The following CHMP6 variants were observed in gnomAD, a reference collection of about 807,000 sequenced individuals.
The protein encoded by CHMP6 is chromatin-modifying protein 6.
Under a neutral mutation model 32.8 loss-of-function variants are expected in CHMP6, and 10 were observed. The ratio of observed to expected loss-of-function variants is 0.30; its 90% CI spans 0.19 to 0.52. The LOEUF is 0.52. CHMP6 is among the 20% of genes least tolerant of loss of function. CHMP6 has a pLI of 0.97. For synonymous variants in CHMP6, 123 were observed against 105.8 expected (o/e 1.16, Z -1.00); for missense variants, 269 against 263.8 (o/e 1.02, Z -0.14).
chr17:80,994,679 C>T lies in CHMP6; in HGVS notation c.162C>T (p.Asp54=), dbSNP rs143663975. Residue 54 remains aspartate, a synonymous_variant, in exon 2 of 8, where the codon GAC becomes GAT. Transcript: ENST00000325167. The stretch of plus-strand genomic sequence containing the variant: ...CCCTGGCCCGGCAGCTGCTGCGGGA[C>T]GGCAGGAAGGAGTGAGTGGGGCCCG... The part of the protein sequence containing the change: ...ERALARQLLR[D]GRKERAKLLL... The T allele has an allele frequency of 8.1e-4, 1,273 of 1,571,602 alleles. 16 individuals carry two copies. In the African/African-American group the frequency reaches 0.015, roughly 18 times the overall value.
chr17:80,998,387 G>C lies in CHMP6; in HGVS notation c.517G>C (p.Val173Leu), dbSNP rs745597012. The C allele has an allele frequency of 5.6e-5, 90 of 1,614,108 alleles. No homozygotes were observed. Among genetic ancestry groups the C allele is most frequent in the Non-Finnish European group, 7.3e-5 (86 of 1,180,034 alleles). The change falls in exon 7 of 8, where the codon GTT becomes CTT. Residue 173 changes from valine to leucine, a missense_variant. Val to Leu is a conservative substitution (Grantham distance 32). Coordinates refer to ENST00000325167, the MANE Select transcript of CHMP6 (RefSeq NM_024591.5). ...GCAGGAACAAATAGAGCTGCCAGAGGTTCCCTCCGAGCCCCTTCCTGAGAA... is the reference window on the plus strand; with the variant it reads ...GCAGGAACAAATAGAGCTGCCAGAGCTTCCCTCCGAGCCCCTTCCTGAGAA... ...ITQEQIELPEVPSEPLPEKIP... is the reference protein window; with the variant it reads ...ITQEQIELPELPSEPLPEKIP...
At chr17:80,993,126 C>T (rs1257244414) in intron 1 of CHMP6, among the ~76,000 whole-genome samples, 2 of 152,236 alleles carry the variant, frequency 1.3e-5, no homozygotes, top group Non-Finnish European at 2.9e-5. Flanking sequence ...TCCGGTTTCT[C>T]TTCAAGCACA....
In CHMP6 at chr17:80,995,749, G is replaced by A. The variant is rs1482717358; in HGVS notation, c.339G>A (p.Lys113=). Residue 113 remains lysine, a synonymous_variant, in exon 4 of 8, where the codon AAG becomes AAA. Coordinates refer to ENST00000325167, the MANE Select transcript of CHMP6 (RefSeq NM_024591.5). The stretch of plus-strand genomic sequence containing the variant: ...AGTTTGGAAATGAGTGTCTGAACAA[G>A]ATGCACCAGGTGAGTCTCTGCAGGG... ...GLQFGNECLN[K]MHQVMSIEEV... 1.2e-6 allele frequency: 2 copies of A among 1,613,884 alleles called. No homozygotes were observed. Among genetic ancestry groups the A allele is most frequent in the African/African-American group, 1.3e-5 (1 of 74,944 alleles).
chr17:80,995,826 C>T lies in CHMP6; in HGVS notation c.348+68C>T, dbSNP rs1568028200. ...CATTGGGCTGGAGCTGGGGATAGGG[C>T]GGGGGGCTTGTCCCACGGTGTTCGT... On this transcript the variant is annotated intron_variant, in intron 4 of 7. Coordinates refer to ENST00000325167, the MANE Select transcript of CHMP6 (RefSeq NM_024591.5). The T allele has an allele frequency of 3.5e-6, 5 of 1,431,728 alleles. No individual in the cohort carries two copies. In the African/African-American group the frequency reaches 4.2e-5, roughly 12 times the overall value. 88.7% of individuals were successfully genotyped at this position (1,431,728 alleles called of 1,614,324 possible). A position where few individuals can be genotyped will look rare whatever the true frequency, so the allele number is the denominator to read the frequency against.
rs923720077 is a variant in CHMP6 at position 80,999,416 on chromosome 17, C to T, written c.*263C>T. 6 of 466,756 alleles carry T rather than the reference C, an allele frequency of 1.3e-5. No homozygotes were observed. Among genetic ancestry groups the T allele is most frequent in the Admixed American group, 7.1e-5 (2 of 28,202 alleles). The allele number at this position is 466,756 out of a possible 1,614,324, so 28.9% of individuals were successfully genotyped here. A position where few individuals can be genotyped will look rare whatever the true frequency, so the allele number is the denominator to read the frequency against. ...GCCCAGCTTCTGCCGGTTGTGGGCTCCCCCGGTGGCCGAGGCCCAGGCCCA... is the reference window on the plus strand; with the variant it reads ...GCCCAGCTTCTGCCGGTTGTGGGCTTCCCCGGTGGCCGAGGCCCAGGCCCA... On this transcript the variant is annotated 3_prime_UTR_variant, in exon 8 of 8. Transcript: ENST00000325167.
At chr17:80,995,206 C>G (rs2069626953) in intron 3 of CHMP6, 100 bp downstream of exon 3, 7 of 1,178,796 alleles carry the variant, frequency 5.9e-6, no homozygotes, top group Non-Finnish European at 8.5e-6. Context: ...GCTGAAAGCT[C>G]CTCTCAGATG....
rs2069593851 is a variant in CHMP6, at chr17:80,991,848, G to A, written c.-71G>A. On this transcript the variant is annotated 5_prime_UTR_variant, in exon 1 of 8. Transcript: ENST00000325167. ...CGCGGCCGCCGTAGCGGGAGGACCC[G>A]AGCTACGGTGGCCGCGGGGCGGCGG... 2.4e-6 allele frequency: 3 copies of A among 1,240,310 alleles called. No homozygotes were observed. Among genetic ancestry groups the A allele is most frequent in the African/African-American group, 1.6e-5 (1 of 64,278 alleles). 76.8% of individuals were successfully genotyped at this position (1,240,310 alleles called of 1,614,324 possible).
At position 80,994,673 on chromosome 17, in the gene CHMP6, G is replaced by A; in HGVS notation, c.156G>A (p.Leu52=). The stretch of plus-strand genomic sequence containing the variant: ...AGCGCGCCCTGGCCCGGCAGCTGCT[G>A]CGGGACGGCAGGAAGGAGTGAGTGG... ...ERERALARQL[L]RDGRKERAKL... The change falls in exon 2 of 8, where the codon CTG becomes CTA. Residue 52 remains leucine (L), a synonymous_variant. Coordinates refer to ENST00000325167, the MANE Select transcript of CHMP6 (RefSeq NM_024591.5). 2.5e-6 allele frequency: 4 copies of A among 1,576,252 alleles called. No homozygotes were observed. Among genetic ancestry groups the A allele is most frequent in the Non-Finnish European group, 3.4e-6 (4 of 1,162,932 alleles).
intron 4 of CHMP6, among the ~76,000 whole-genome samples, chr17:80,996,314 C>T (rs1047880381): frequency 3.4e-5 from 5 of 148,440 alleles, no homozygotes; most frequent in Non-Finnish European, 7.4e-5. Flanking sequence ...AGCAAAACTC[C>T]GTCTCAGGAA....
chr17:80,999,065 G>T, intron 7 of CHMP6, 33 bp from the exon 8 acceptor site: 1 of 1,613,082 alleles, frequency 6.2e-7, no homozygotes, highest in South Asian at 1.1e-5. Context: ...GTGGGTCTTT[G>T]GCGTGTCATA....
At position 80,999,460 on chromosome 17, in the gene CHMP6, C is replaced by T. The variant is rs144333406; in HGVS notation, c.*307C>T. The T allele has an allele frequency of 3.2e-4, 127 of 392,540 alleles. 1 individual carries two copies. In the East Asian group the frequency reaches 6.4e-3, roughly 20 times the overall value. The allele number at this position is 392,540 out of a possible 1,614,324, so 24.3% of individuals were successfully genotyped here. ...AGGCCCAACGCCTCTGGTGCTGTTC[C>T]CCTGCAGTCCCAGCCCCGCGTGGCT... On this transcript the variant is annotated 3_prime_UTR_variant, in exon 8 of 8. Transcript: ENST00000325167.
Position 80,995,063 on chromosome 17 carries a change from T to C in CHMP6, c.218T>C (p.Leu73Pro). Residue 73 changes from leucine (L) to proline (P), a missense_variant, in exon 3 of 8, where the codon CTC becomes CCC. Coordinates refer to ENST00000325167, the MANE Select transcript of CHMP6 (RefSeq NM_024591.5). Reference sequence around the variant, plus strand: ...AAGAAGAAGCGATACCAGGAGCAGCTCCTGGACAGGACGGAGAACCAGATC... The same window carrying C: ...AAGAAGAAGCGATACCAGGAGCAGCCCCTGGACAGGACGGAGAACCAGATC... ...LLKKKRYQEQ[L>P]LDRTENQISS... 6.2e-7 allele frequency: 1 copy of C among 1,603,312 alleles called. No homozygotes were observed. The highest frequency in any genetic ancestry group is 8.5e-7 in the Non-Finnish European group (1 of 1,176,530).
At position 80,998,680 on chromosome 17, in the gene CHMP6, T is replaced by C. The variant is rs78538787; in HGVS notation, c.550+260T>C. ...TCAGAAATCAGAACTGGGGAAAGGC[T>C]TCTTTAGCAGCACCAGCTCATTCCC... On this transcript the variant is annotated intron_variant, in intron 7 of 7. Coordinates refer to ENST00000325167, the MANE Select transcript of CHMP6 (RefSeq NM_024591.5). The C allele has an allele frequency of 5.6e-3, 7,824 of 1,397,058 alleles. 368 individuals are homozygous for C. The African/African-American group carries it at 0.1, about 18-fold the overall frequency. The allele number at this position is 1,397,058 out of a possible 1,614,324, so 86.5% of individuals were successfully genotyped here.
intron 1 of CHMP6, among the ~76,000 whole-genome samples, chr17:80,993,647 G>T (rs954657769): frequency 6.6e-6 from 1 of 152,210 alleles, no homozygotes; most frequent in Admixed American, 6.5e-5. Flanking sequence ...AAGTGATGAC[G>T]TTTGGAAAAC....
At chr17:80,996,946 C>T in intron 4 of CHMP6, 61 bp from the exon 5 acceptor site, 1 of 1,526,386 alleles carries the variant, frequency 6.6e-7, no homozygotes, top group South Asian at 1.2e-5. Flanking sequence ...CAGGAGGCCT[C>T]TGTCGGGGGT....
At position 80,994,564 on chromosome 17, in the gene CHMP6, CCT is replaced by C. The variant is rs779313882; in HGVS notation, c.64-8_64-7del. 1.4e-5 allele frequency: 21 copies of C among 1,549,464 alleles called. No individual in the cohort carries two copies. Among genetic ancestry groups the C allele is most frequent in the South Asian group, 1.2e-4 (10 of 83,484 alleles). On this transcript the variant is annotated splice_polypyrimidine_tract_variant and intron_variant, in intron 1 of 7. Coordinates refer to ENST00000325167, the MANE Select transcript of CHMP6 (RefSeq NM_024591.5). Reference sequence around the variant, plus strand: ...CAGTGTGGGCTCGGTGACGCCAGGCCCTCTCTCTCTTGGCAGCAACTGAAGCA... The same window carrying C: ...CAGTGTGGGCTCGGTGACGCCAGGCCCTCTCTCTTGGCAGCAACTGAAGCA...
At position 80,998,369 on chromosome 17, in the gene CHMP6, C is replaced by G. The variant is rs567503075; in HGVS notation, c.499C>G (p.Gln167Glu). Residue 167 changes from glutamine to glutamate, a missense_variant, in exon 7 of 8, where the codon CAA (glutamine) becomes GAA (glutamate). Physicochemically the swap from Gln to Glu is conservative, Grantham distance 29. Coordinates refer to ENST00000325167, the MANE Select transcript of CHMP6 (RefSeq NM_024591.5). ...LEELSAITQE[Q>E]IELPEVPSEP... Reference sequence around the variant, plus strand: ...CCTTACCCTTTGCTTCTTGCAGGAACAAATAGAGCTGCCAGAGGTTCCCTC... The same window carrying G: ...CCTTACCCTTTGCTTCTTGCAGGAAGAAATAGAGCTGCCAGAGGTTCCCTC... 6.2e-6 allele frequency: 10 copies of G among 1,614,222 alleles called. 1 individual carries two copies. In the Admixed American group the frequency reaches 1.5e-4, roughly 24 times the overall value.
chr17:80,995,807 G>A, intron 4 of CHMP6, 49 bp downstream of exon 4: 1 of 1,557,872 alleles, frequency 6.4e-7, no homozygotes, highest in Non-Finnish European at 8.8e-7. Flanking sequence ...AGCCCATTGG[G>A]CTGGAGCTGG....
rs537203827 is a variant in CHMP6, at chr17:80,992,207, C to T, written c.63+226C>T. Among the ~76,000 whole-genome samples the T allele has an allele frequency of 9.9e-5, 15 of 151,532 alleles. No individual in the cohort carries two copies. The South Asian group carries it at 2.7e-3, about 27-fold the overall frequency. On this transcript the variant is annotated intron_variant, in intron 1 of 7. Coordinates refer to ENST00000325167, the MANE Select transcript of CHMP6 (RefSeq NM_024591.5). ...GCGGCGCCGTGGCTGCCGTCTTCCCCGGGGCCCGCGCGTCCGCCTCTGCGA... is the reference window on the plus strand; with the variant it reads ...GCGGCGCCGTGGCTGCCGTCTTCCCTGGGGCCCGCGCGTCCGCCTCTGCGA...
Sources: allele counts gnomAD v4.1 joint callset (sites outside exome capture counted in the v4.1 genomes callset), GRCh38; gene constraint gnomAD v4.1.1; transcripts MANE v1.5; gene names NCBI Gene and HGNC (gene_info 2026-07-23, HGNC 2026-07-21).